SEC24B: variants seen among roughly 807,000 people sequenced by gnomAD.
SEC24B encodes protein transport protein Sec24B.
SEC24B carries 45 observed loss-of-function variants against 142.8 expected under a neutral mutation model. The ratio of observed to expected loss-of-function variants is 0.32; its 90% CI spans 0.25 to 0.40. The LOEUF is 0.40. SEC24B is among the 10% of genes least tolerant of loss of function. The probability of loss-of-function intolerance (pLI) is 1.00; values close to 1 mark genes in which losing one functional copy is unlikely to be tolerated. For synonymous variants in SEC24B, 574 were observed against 568.2 expected, an observed-to-expected ratio of 1.01 and a Z score of -0.15; for missense variants, 1,409 against 1,526.8, an observed-to-expected ratio of 0.92 and a Z score of 1.29.
intron 8 of SEC24B, among the ~76,000 whole-genome samples, chr4:109,511,676 T>G (rs984110099): frequency 6.6e-6 from 1 of 152,236 alleles, no homozygotes; most frequent in Non-Finnish European, 1.5e-5. Context: ...TCTCTCTCAC[T>G]GTTATTTCTA....
intron 4 of SEC24B, among the ~76,000 whole-genome samples, chr4:109,483,316 T>C (rs993961052): frequency 2.0e-5 from 3 of 150,712 alleles, no homozygotes; most frequent in African/African-American, 7.3e-5. Context: ...CCTGACCTCA[T>C]GATCCGCCTG....
At chr4:109,485,011 G>A (rs201977843) in intron 4 of SEC24B, among the ~76,000 whole-genome samples, 23 of 152,036 alleles carry the variant, frequency 1.5e-4, no homozygotes, top group Non-Finnish European at 1.2e-4. Context: ...AATGCCAGTC[G>A]TAGCAATACA....
At chr4:109,520,302 T>C (rs1723459612) in intron 11 of SEC24B, 64 bp from the exon 12 acceptor site, 2 of 978,010 alleles carry the variant, frequency 2.0e-6, no homozygotes, top group Admixed American at 2.1e-5. Flanking sequence ...ACTATTTCAT[T>C]ATTTTCTGAA....
At position 109,509,994 on chromosome 4, in the gene SEC24B, TTA is replaced by T. The variant is rs772372649; in HGVS notation, c.1674-13_1674-12del. On this transcript the variant is annotated splice_polypyrimidine_tract_variant and intron_variant, in intron 7 of 23. Transcript: ENST00000265175. ...TGATAGCTAATATCCTCCATGTTGT[TTA>T]TGTTTTTTGCAGTTCATTTCGGTGT... The T allele has an allele frequency of 1.5e-5, 23 of 1,522,634 alleles. No individual in the cohort carries two copies. The African/African-American group carries it at 2.5e-4, about 17-fold the overall frequency. The allele number at this position is 1,522,634 out of a possible 1,614,324, so 94.3% of individuals were successfully genotyped here. A position where few individuals can be genotyped will look rare whatever the true frequency, so the allele number is the denominator to read the frequency against.
intron 6 of SEC24B, among the ~76,000 whole-genome samples, chr4:109,500,491 C>T (rs1158632078): frequency 6.7e-6 from 1 of 148,250 alleles, no homozygotes; most frequent in African/African-American, 2.5e-5. Flanking sequence ...TTGCAGTGAG[C>T]CAAAATTGCA....
At chr4:109,506,022 A>G (rs999329668) in intron 6 of SEC24B, among the ~76,000 whole-genome samples, 1 of 152,236 alleles carries the variant, frequency 6.6e-6, no homozygotes, top group Non-Finnish European at 1.5e-5. Flanking sequence ...GGGAACCTTG[A>G]GAACAGTGGG....
intron 11 of SEC24B, among the ~76,000 whole-genome samples, chr4:109,518,870 G>A (rs922745815): frequency 4.2e-5 from 6 of 143,584 alleles, no homozygotes; most frequent in African/African-American, 1.3e-4. Flanking sequence ...ACAGTGGTGT[G>A]ATCTCTGCTC....
chr4:109,486,423 T>A (rs990818807), intron 4 of SEC24B, among the ~76,000 whole-genome samples: 2 of 152,224 alleles, frequency 1.3e-5, no homozygotes, highest in Non-Finnish European at 2.9e-5. Flanking sequence ...AGCCTTTTTT[T>A]AAAGGCTTAA....
In SEC24B at chr4:109,464,238, C is replaced by G. The variant is rs76403947; in HGVS notation, c.877+594C>G. ...TTCAGCCCTTCTGACCTTCCTAAAC[C>G]AAGGTGTTGTTAAATTTTTTCATTT... On this transcript the variant is annotated intron_variant, in intron 2 of 23. Transcript: ENST00000265175. Among the ~76,000 whole-genome samples, 1,314 of 151,790 alleles carry G rather than the reference C, an allele frequency of 8.7e-3. 24 individuals carry two copies. Among genetic ancestry groups the G allele is most frequent in the African/African-American group, 0.03 (1,254 of 41,358 alleles).
chr4:109,492,335 A>G (rs1735107323), intron 5 of SEC24B, among the ~76,000 whole-genome samples: 1 of 151,990 alleles, frequency 6.6e-6, no homozygotes, highest in African/African-American at 2.4e-5. Context: ...CTGTGTGTGT[A>G]AGAAGTTGTA....
intron 1 of SEC24B, among the ~76,000 whole-genome samples, chr4:109,447,333 T>C (rs1341201210): frequency 1.3e-5 from 1 of 77,812 alleles, no homozygotes; most frequent in Non-Finnish European, 3.9e-5. Context: ...TGAACACTTG[T>C]ATTAAAAAAA....
chr4:109,525,996 G>A (rs1724180536), intron 16 of SEC24B, among the ~76,000 whole-genome samples: 1 of 152,084 alleles, frequency 6.6e-6, no homozygotes, highest in South Asian at 2.1e-4. Flanking sequence ...GTGAGAAAAT[G>A]TAAATAAGGT....
At position 109,526,356 on chromosome 4, in the gene SEC24B, C is replaced by T; in HGVS notation, c.2922C>T (p.Ser974=). The part of the protein sequence containing the change: ...LSIEESLTDT[S]LVCFQTALLY... Reference sequence around the variant, plus strand: ...TTGAAGAAAGTTTAACAGATACTTCCTTAGTATGTTTTCAAACAGCCCTAT... The same window carrying T: ...TTGAAGAAAGTTTAACAGATACTTCTTTAGTATGTTTTCAAACAGCCCTAT... Residue 974 remains serine (S), a synonymous_variant, in exon 17 of 24, where the codon TCC becomes TCT. Coordinates refer to ENST00000265175, the MANE Select transcript of SEC24B (RefSeq NM_006323.5). 1 of 1,613,620 alleles carries T rather than the reference C, an allele frequency of 6.2e-7. No homozygotes were observed. Among genetic ancestry groups the T allele is most frequent in the Non-Finnish European group, 8.5e-7 (1 of 1,179,714 alleles).
At chr4:109,510,256 T>C in intron 8 of SEC24B, 145 bp downstream of exon 8, 1 of 447,276 alleles carries the variant, frequency 2.2e-6, no homozygotes, top group Non-Finnish European at 3.9e-6. Flanking sequence ...TTGGCAAACA[T>C]TTTTTGAACA....
chr4:109,503,061 TC>T (rs1417885238), intron 6 of SEC24B, among the ~76,000 whole-genome samples: 3 of 147,828 alleles, frequency 2.0e-5, no homozygotes, highest in Non-Finnish European at 4.5e-5. Context: ...TTTCTTTCTT[TC>T]TTTTTTTTTT....
chr4:109,511,758 A>G (rs1415796983), intron 8 of SEC24B, among the ~76,000 whole-genome samples, 199 bp from the exon 9 acceptor site: 1 of 152,214 alleles, frequency 6.6e-6, no homozygotes, highest in African/African-American at 2.4e-5. Flanking sequence ...TTTTAGTGTT[A>G]TGATTTGTGA....
rs2125893507 is a variant in SEC24B, at chr4:109,441,767, G to A, written c.133+7765G>A. Among the ~76,000 whole-genome samples the A allele has an allele frequency of 1.3e-5, 2 of 152,306 alleles. 1 individual carries two copies. The highest frequency in any genetic ancestry group is 4.1e-4 in the South Asian group (2 of 4,826). ...ACTCATTGTCGTGGTATCCAAGAAG[G>A]ATAATTGATGTTGTAGCAGGAATAA... is the stretch of plus-strand genomic sequence containing the variant. On this transcript the variant is annotated intron_variant, in intron 1 of 23. Transcript: ENST00000265175.
intron 1 of SEC24B, among the ~76,000 whole-genome samples, chr4:109,461,695 T>G (rs893368146): frequency 6.6e-6 from 1 of 152,236 alleles, no homozygotes. Context: ...ACTGTAACTA[T>G]ATCTGGGAAA....
At chr4:109,538,628 G>A in intron 23 of SEC24B, 32 bp downstream of exon 23, 2 of 1,364,350 alleles carry the variant, frequency 1.5e-6, no homozygotes, top group Non-Finnish European at 2.1e-6. Flanking sequence ...TTATGAAGTT[G>A]TCTTTCCTAT....
Sources: gnomAD v4.1 joint callset for allele counts (sites outside exome capture counted in the v4.1 genomes callset) on GRCh38, gnomAD v4.1.1 for gene constraint, MANE v1.5 for transcripts, NCBI Gene and HGNC (gene_info 2026-07-23, HGNC 2026-07-21) for gene names.